Variants in CLSTN2 observed in about 807,000 individuals in gnomAD.
CLSTN2 encodes the protein calsyntenin-2.
In CLSTN2, 48 loss-of-function variants were observed where a neutral mutation model predicts 101.2. The ratio of observed to expected loss-of-function variants is 0.47; its 90% CI spans 0.38 to 0.60. The LOEUF (loss-of-function observed/expected upper bound fraction) is 0.60. Among genes scored for constraint, CLSTN2 ranks in the 20% least tolerant of loss-of-function variants. The pLI is 0.00. For missense variants in CLSTN2, 1,160 were observed against 1,238.2 expected, an observed-to-expected ratio of 0.94 and a Z score of 0.95; for synonymous variants, 481 against 463.6, an observed-to-expected ratio of 1.04 and a Z score of -0.48.
intron 2 of CLSTN2, among the ~76,000 whole-genome samples, chr3:140,393,515 A>C (rs2088143524): frequency 6.6e-6 from 1 of 152,250 alleles, no homozygotes; most frequent in Non-Finnish European, 1.5e-5. Context: ...CATGCCTGCT[A>C]GATTCCTCCT....
chr3:140,251,196 G>A (rs1176484808), intron 2 of CLSTN2, among the ~76,000 whole-genome samples: 1 of 152,142 alleles, frequency 6.6e-6, no homozygotes, highest in Non-Finnish European at 1.5e-5. Context: ...AGGAATGAAT[G>A]AGTGATGTTG....
At chr3:139,943,952 CA>C in intron 1 of CLSTN2, among the ~76,000 whole-genome samples, 1 of 152,294 alleles carries the variant, frequency 6.6e-6, no homozygotes, top group Non-Finnish European at 1.5e-5. Context: ...CCAGACCTCC[CA>C]AAATAGATCC....
intron 2 of CLSTN2, among the ~76,000 whole-genome samples, chr3:140,380,092 T>C (rs1043376346): frequency 2.0e-5 from 3 of 151,956 alleles, no homozygotes; most frequent in Admixed American, 1.3e-4. Context: ...CAGGGGAAAT[T>C]GTTGGAATAA....
chr3:140,203,393 T>TACTGCAAAG (rs1236189978), intron 2 of CLSTN2, among the ~76,000 whole-genome samples: 1 of 149,992 alleles, frequency 6.7e-6, no homozygotes, highest in Non-Finnish European at 1.5e-5. Flanking sequence ...TTAGGAACAT[T>TACTGCAAAG]ACTGCAAAGG....
intron 4 of CLSTN2, among the ~76,000 whole-genome samples, chr3:140,410,252 A>G (rs990770338): frequency 3.3e-5 from 5 of 152,186 alleles, no homozygotes; most frequent in African/African-American, 1.2e-4. Context: ...ATTATAATAA[A>G]ACTGTCAGTA....
chr3:140,270,949 G>A (rs1238189524), intron 2 of CLSTN2, among the ~76,000 whole-genome samples: 1 of 152,136 alleles, frequency 6.6e-6, no homozygotes, highest in Non-Finnish European at 1.5e-5. Context: ...TCTCATTCTA[G>A]CATGGAGACA....
chr3:140,078,605 G>A (rs1396975201), intron 1 of CLSTN2, among the ~76,000 whole-genome samples: 4 of 152,184 alleles, frequency 2.6e-5, no homozygotes, highest in African/African-American at 7.2e-5. Context: ...AAAGAGGGCG[G>A]GAGTGACAGC....
intron 2 of CLSTN2, among the ~76,000 whole-genome samples, chr3:140,220,253 T>C (rs925264908): frequency 6.6e-6 from 1 of 152,224 alleles, no homozygotes; most frequent in African/African-American, 2.4e-5. Context: ...CTGGTGGAGA[T>C]CATCCACCTT....
At chr3:140,147,936 T>C (rs1439387052) in intron 1 of CLSTN2, among the ~76,000 whole-genome samples, 2 of 152,212 alleles carry the variant, frequency 1.3e-5, no homozygotes, top group Non-Finnish European at 2.9e-5. Flanking sequence ...GAATTCATCT[T>C]GTATGAGTAG....
At chr3:140,494,656 C>G (rs1934424902) in intron 8 of CLSTN2, among the ~76,000 whole-genome samples, 1 of 152,130 alleles carries the variant, frequency 6.6e-6, no homozygotes, top group Non-Finnish European at 1.5e-5. Flanking sequence ...GTTGTGCCCC[C>G]TAATGTGTTG....
At chr3:139,947,484 G>C (rs1263539919) in intron 1 of CLSTN2, among the ~76,000 whole-genome samples, 1 of 152,176 alleles carries the variant, frequency 6.6e-6, no homozygotes, top group Non-Finnish European at 1.5e-5. Context: ...ATGCTGGAGA[G>C]TGAGAAAAAA....
At chr3:140,140,448 A>T (rs1252916723) in intron 1 of CLSTN2, among the ~76,000 whole-genome samples, 1 of 152,120 alleles carries the variant, frequency 6.6e-6, no homozygotes, top group African/African-American at 2.4e-5. Flanking sequence ...TTAAACAACC[A>T]GCTCTCCTGT....
chr3:139,987,777 T>C (rs1936051084), intron 1 of CLSTN2, among the ~76,000 whole-genome samples: 1 of 152,108 alleles, frequency 6.6e-6, no homozygotes. Context: ...CAAATCAAAT[T>C]GTACACCCAG....
intron 9 of CLSTN2, among the ~76,000 whole-genome samples, chr3:140,545,352 G>A (rs1935566039): frequency 6.6e-6 from 1 of 152,188 alleles, no homozygotes; most frequent in African/African-American, 2.4e-5. Flanking sequence ...CTGCTGGCCA[G>A]GTGTTGCAAG....
At chr3:140,546,071 G>C (rs1294375614) in intron 9 of CLSTN2, among the ~76,000 whole-genome samples, 1 of 152,134 alleles carries the variant, frequency 6.6e-6, no homozygotes, top group Non-Finnish European at 1.5e-5. Context: ...ATATGTCCTG[G>C]GGCAACTACC....
intron 1 of CLSTN2, among the ~76,000 whole-genome samples, chr3:139,981,312 G>T (rs545798545): frequency 6.6e-6 from 1 of 152,280 alleles, no homozygotes; most frequent in Admixed American, 6.5e-5. Flanking sequence ...CTCTGTTCTA[G>T]GCAGTAGGGA....
chr3:140,400,153 G>C (rs1422155338), intron 2 of CLSTN2, among the ~76,000 whole-genome samples: 2 of 152,146 alleles, frequency 1.3e-5, no homozygotes, highest in Non-Finnish European at 2.9e-5. Context: ...TAGTTCAAAG[G>C]GGAAGTGTGG....
intron 1 of CLSTN2, among the ~76,000 whole-genome samples, chr3:140,166,077 GTC>G (rs1226817248): frequency 6.6e-6 from 1 of 152,188 alleles, no homozygotes; most frequent in Non-Finnish European, 1.5e-5. Context: ...GCAGATGGCT[GTC>G]TCTCATTTAA....
chr3:140,102,078 G>A (rs1374180902), intron 1 of CLSTN2, among the ~76,000 whole-genome samples: 1 of 152,144 alleles, frequency 6.6e-6, no homozygotes, highest in Non-Finnish European at 1.5e-5. Context: ...CCATTTTCTA[G>A]GTCCTAATTT....
Sources: gnomAD v4.1 joint callset for allele counts (sites outside exome capture counted in the v4.1 genomes callset) on GRCh38, gnomAD v4.1.1 for gene constraint, MANE v1.5 for transcripts, NCBI Gene and HGNC (gene_info 2026-07-23, HGNC 2026-07-21) for gene names.